The following NPAS3 variants were observed in gnomAD, a reference collection of about 807,000 sequenced individuals.
NPAS3 encodes the protein neuronal PAS domain-containing protein 3.
Under a neutral mutation model 73.1 loss-of-function variants are expected in NPAS3, and 14 were observed. That is an observed-to-expected ratio of 0.19 (90% CI 0.13 to 0.30). The LOEUF is 0.30. Among genes scored for constraint, NPAS3 ranks in the 10% least tolerant of loss-of-function variants. The pLI, the probability that NPAS3 is intolerant of heterozygous loss-of-function variation, is 1.00. For synonymous variants in NPAS3, 620 were observed against 541.5 expected, an observed-to-expected ratio of 1.14 and a Z score of -2.01; for missense variants, 1,096 against 1,250.0, an observed-to-expected ratio of 0.88 and a Z score of 1.86.
chr14:33,135,900 A>T (rs757626081), intron 2 of NPAS3, among the ~76,000 whole-genome samples: 3 of 152,142 alleles, frequency 2.0e-5, no homozygotes, highest in African/African-American at 7.2e-5. Flanking sequence ...CACTTTTTAC[A>T]GTGAAATAGA....
Position 33,764,203 on chromosome 14 carries a change from G to A in NPAS3, c.853-10134G>A, listed in dbSNP as rs563978783. Among the ~76,000 whole-genome samples the A allele has an allele frequency of 2.6e-5, 4 of 152,332 alleles. No homozygotes were observed. In the East Asian group the frequency reaches 7.7e-4, roughly 29 times the overall value. On this transcript the variant is annotated intron_variant, in intron 7 of 11. Transcript: ENST00000356141. ...GCTGCCTTAACATCTTCTCACAGCA[G>A]CAGAATGCTCTCTAGGACTACCATC... is the stretch of plus-strand genomic sequence containing the variant.
intron 4 of NPAS3, among the ~76,000 whole-genome samples, chr14:33,418,372 G>A (rs17578760): frequency 8.9e-4 from 135 of 151,986 alleles, no homozygotes; most frequent in Admixed American, 2.1e-3. Flanking sequence ...TAGATAGTAG[G>A]GAAGCCTCCC....
intron 5 of NPAS3, among the ~76,000 whole-genome samples, chr14:33,631,984 G>A (rs2058389858): frequency 6.6e-6 from 1 of 152,202 alleles, no homozygotes; most frequent in African/African-American, 2.4e-5. Flanking sequence ...TGCCCAGCTA[G>A]TAGTAGTGAA....
chr14:33,208,150 AG>A (rs2046901158), intron 2 of NPAS3, among the ~76,000 whole-genome samples: 1 of 152,120 alleles, frequency 6.6e-6, no homozygotes, highest in African/African-American at 2.4e-5. Flanking sequence ...TATAGTTTAA[AG>A]TTCTGGGGGA....
intron 6 of NPAS3, among the ~76,000 whole-genome samples, chr14:33,678,364 A>ATCCTAGCTTC (rs201888502): frequency 0.02 from 2,994 of 152,170 alleles, 86 homozygotes; most frequent in African/African-American, 0.065. Flanking sequence ...CTTCTTCCCT[A>ATCCTAGCTTC]TCCTAGCTTC....
chr14:32,988,061 A>G (rs1198531698), intron 1 of NPAS3, among the ~76,000 whole-genome samples: 2 of 152,200 alleles, frequency 1.3e-5, no homozygotes, highest in Non-Finnish European at 2.9e-5. Flanking sequence ...CATTTTAACA[A>G]TAACAATTTC....
chr14:33,559,532 G>A (rs1380132900), intron 4 of NPAS3, among the ~76,000 whole-genome samples: 1 of 151,990 alleles, frequency 6.6e-6, no homozygotes, highest in Non-Finnish European at 1.5e-5. Context: ...AAAAAATAAA[G>A]GCAACAGCTC....
intron 5 of NPAS3, among the ~76,000 whole-genome samples, chr14:33,588,242 G>A (rs1341099672): frequency 6.6e-6 from 1 of 152,162 alleles, no homozygotes; most frequent in Non-Finnish European, 1.5e-5. Context: ...TTTTGCCACT[G>A]ATGTAGCCTG....
chr14:33,461,760 C>A (rs2050276637), intron 4 of NPAS3, among the ~76,000 whole-genome samples: 1 of 152,166 alleles, frequency 6.6e-6, no homozygotes, highest in South Asian at 2.1e-4. Flanking sequence ...TTAAGCAACC[C>A]CGAAGAGGAA....
intron 4 of NPAS3, among the ~76,000 whole-genome samples, chr14:33,469,776 T>A (rs1177016338): frequency 1.3e-5 from 2 of 152,246 alleles, no homozygotes; most frequent in East Asian, 3.9e-4. Context: ...AACAGAACAA[T>A]GGAAATGCAC....
At chr14:33,255,760 T>C (rs2048756646) in intron 3 of NPAS3, among the ~76,000 whole-genome samples, 1 of 152,138 alleles carries the variant, frequency 6.6e-6, no homozygotes, top group South Asian at 2.1e-4. Context: ...CCTTCCCCAG[T>C]GTCCTGTGTG....
intron 2 of NPAS3, among the ~76,000 whole-genome samples, chr14:33,101,674 G>A (rs573789880): frequency 1.7e-4 from 26 of 152,150 alleles, no homozygotes; most frequent in African/African-American, 6.0e-4. Context: ...ACATTTATGG[G>A]ATCTGAGCCA....
chr14:33,748,703 T>A (rs1003187559), intron 7 of NPAS3, among the ~76,000 whole-genome samples: 1 of 152,208 alleles, frequency 6.6e-6, no homozygotes, highest in Non-Finnish European at 1.5e-5. Flanking sequence ...ATTTCCTTGA[T>A]GAAAACAAAG....
At chr14:33,560,678 T>C (rs2055602828) in intron 5 of NPAS3, among the ~76,000 whole-genome samples, 2 of 152,178 alleles carry the variant, frequency 1.3e-5, no homozygotes, top group Admixed American at 1.3e-4. Flanking sequence ...CCAGCAAGGA[T>C]ATATTTTGCT....
chr14:33,777,223 T>G (rs1171769183), intron 8 of NPAS3, among the ~76,000 whole-genome samples: 3 of 152,192 alleles, frequency 2.0e-5, no homozygotes, highest in African/African-American at 7.2e-5. Context: ...TAACTGTGCT[T>G]GGAAGATAGC....
At chr14:33,784,710 T>TTTA (rs2063087848) in intron 9 of NPAS3, among the ~76,000 whole-genome samples, 1 of 149,520 alleles carries the variant, frequency 6.7e-6, no homozygotes, top group Non-Finnish European at 1.5e-5. Context: ...GCTTTTATTT[T>TTTA]TTATTGTTAT....
intron 4 of NPAS3, among the ~76,000 whole-genome samples, chr14:33,413,536 C>T (rs576614186): frequency 6.6e-6 from 1 of 151,968 alleles, no homozygotes; most frequent in African/African-American, 2.4e-5. Flanking sequence ...TATCTTTGAG[C>T]GTGTGGGGCA....
intron 5 of NPAS3, among the ~76,000 whole-genome samples, chr14:33,622,453 C>A (rs1262102889): frequency 6.6e-6 from 1 of 152,164 alleles, no homozygotes; most frequent in Non-Finnish European, 1.5e-5. Flanking sequence ...TACTTGACTG[C>A]CTGCCAATAG....
intron 1 of NPAS3, among the ~76,000 whole-genome samples, chr14:33,002,914 C>T (rs1324993966): frequency 6.6e-6 from 1 of 152,040 alleles, no homozygotes; most frequent in African/African-American, 2.4e-5. Flanking sequence ...GGTTTGTGAC[C>T]TTGGGCAAGT....
Sources: gnomAD v4.1 joint callset for allele counts (sites outside exome capture counted in the v4.1 genomes callset) on GRCh38, gnomAD v4.1.1 for gene constraint, MANE v1.5 for transcripts, NCBI Gene and HGNC (gene_info 2026-07-23, HGNC 2026-07-21) for gene names.